GSTO2: variants seen among roughly 807,000 people sequenced by gnomAD.
GSTO2 encodes the protein glutathione S-transferase omega 2.
A neutral mutation model predicts 28.4 loss-of-function variants in GSTO2; 23 were observed. That is an observed-to-expected ratio of 0.81 (90% CI 0.58 to 1.15). The LOEUF (loss-of-function observed/expected upper bound fraction) is 1.15. Among genes scored for constraint, GSTO2 ranks in the 50% most tolerant of loss-of-function variants. The pLI, the probability that GSTO2 is intolerant of heterozygous loss-of-function variation, is 0.00. For synonymous variants in GSTO2, 109 were observed against 111.0 expected (o/e 0.98, Z 0.11); for missense variants, 298 against 297.8 (o/e 1.00, Z 0.00).
chr10:104,288,893 G>A (rs1009371992), intron 5 of GSTO2, among the ~76,000 whole-genome samples: 4 of 152,030 alleles, frequency 2.6e-5, no homozygotes, highest in Non-Finnish European at 4.4e-5. Flanking sequence ...TGAAAGTATT[G>A]TGCTATAAGG....
Position 104,274,819 on chromosome 10 carries a change from C to A in GSTO2, c.-97C>A. 1 of 1,449,124 alleles carries A rather than the reference C, an allele frequency of 6.9e-7. No homozygotes were observed. Among genetic ancestry groups the A allele is most frequent in the Non-Finnish European group, 9.5e-7 (1 of 1,053,394 alleles). 89.8% of individuals were successfully genotyped at this position (1,449,124 alleles called of 1,614,324 possible). On this transcript the variant is annotated 5_prime_UTR_variant, in exon 2 of 7. Transcript: ENST00000338595. ...AATTAAATTTGGGGCAAGGGGTGCG[C>A]GCCAGAGCGCAGCTGTTTCTGGAGC...
At chr10:104,280,317 A>C (rs939282515) in intron 5 of GSTO2, among the ~76,000 whole-genome samples, 4 of 152,144 alleles carry the variant, frequency 2.6e-5, no homozygotes, top group African/African-American at 9.7e-5. Flanking sequence ...TCATCCTCAA[A>C]ATAACAAGAT....
At chr10:104,273,677 C>T (rs1175360479) in intron 1 of GSTO2, among the ~76,000 whole-genome samples, 1 of 152,228 alleles carries the variant, frequency 6.6e-6, no homozygotes, top group Non-Finnish European at 1.5e-5. Context: ...AAATCCTTTC[C>T]TCCTAACACT....
rs763491953 is a variant in GSTO2 at position 104,299,305 on chromosome 10, G to A, written c.*21G>A. 2.1e-5 allele frequency: 34 copies of A among 1,613,046 alleles called. No individual in the cohort carries two copies. The highest frequency in any genetic ancestry group is 1.1e-4 in the African/African-American group (8 of 74,812). On this transcript the variant is annotated 3_prime_UTR_variant, in exon 7 of 7. Transcript: ENST00000338595. ...GCTGAGTCTCACTGTCCACCCCTTC[G>A]CTGTCCAGAATTCCCCAGCTTGTTG...
intron 5 of GSTO2, among the ~76,000 whole-genome samples, chr10:104,280,609 C>T (rs1206738846): frequency 6.6e-6 from 1 of 152,228 alleles, no homozygotes; most frequent in African/African-American, 2.4e-5. Context: ...CAGGAATACT[C>T]TTTGCCAGTA....
Position 104,285,770 on chromosome 10 carries a change from C to T in GSTO2, c.468+6299C>T, listed in dbSNP as rs2012387405. On this transcript the variant is annotated intron_variant, in intron 5 of 6. Coordinates refer to ENST00000338595, the MANE Select transcript of GSTO2 (RefSeq NM_183239.2). ...GGCATGAGCCACTGCACCTGGTAAT[C>T]TTAATTTTTAAACTGTTCTTTCTTC... Among the ~76,000 whole-genome samples the T allele has an allele frequency of 2.6e-5, 4 of 152,100 alleles. No individual in the cohort carries two copies. The South Asian group carries it at 8.3e-4, about 31-fold the overall frequency.
chr10:104,270,277 C>T (rs988635091), intron 1 of GSTO2, among the ~76,000 whole-genome samples: 4 of 151,836 alleles, frequency 2.6e-5, no homozygotes, highest in South Asian at 2.1e-4. Context: ...CCTCCCAAAT[C>T]GCTGGGATTA....
At chr10:104,275,385 G>A in intron 3 of GSTO2, 51 bp downstream of exon 3, 1 of 1,560,456 alleles carries the variant, frequency 6.4e-7, no homozygotes, top group Non-Finnish European at 8.8e-7. Context: ...CCTCACAGGA[G>A]CCCGGGAATG....
chr10:104,276,318 T>C (rs1564843533), intron 3 of GSTO2, among the ~76,000 whole-genome samples: 2 of 152,206 alleles, frequency 1.3e-5, no homozygotes, highest in African/African-American at 4.8e-5. Context: ...TTGAGGAAAA[T>C]AACAACAACT....
intron 4 of GSTO2, among the ~76,000 whole-genome samples, chr10:104,278,645 TAA>T (rs1282457610): frequency 6.6e-6 from 1 of 152,116 alleles, no homozygotes; most frequent in Non-Finnish European, 1.5e-5. Context: ...CCACACCCCC[TAA>T]TTGTTGTATT....
chr10:104,281,956 T>A (rs1418102247), intron 5 of GSTO2, among the ~76,000 whole-genome samples: 4 of 151,284 alleles, frequency 2.6e-5, no homozygotes, highest in African/African-American at 9.7e-5. Flanking sequence ...CAGTGAGGGG[T>A]TGACAGCGAG....
chr10:104,285,528 C>T (rs1021551988), intron 5 of GSTO2, among the ~76,000 whole-genome samples: 6 of 152,152 alleles, frequency 3.9e-5, no homozygotes, highest in African/African-American at 1.4e-4. Flanking sequence ...CGGCTCACTG[C>T]AGCCTCAGCC....
chr10:104,271,703 C>T (rs1208798856), intron 1 of GSTO2, among the ~76,000 whole-genome samples: 1 of 152,224 alleles, frequency 6.6e-6, no homozygotes, highest in Non-Finnish European at 1.5e-5. Context: ...ACTTGATTTC[C>T]CACATACAGA....
rs1160936953 is a variant in GSTO2, at chr10:104,303,450, G to T, written c.*4166G>T. ...TGAACTTGAGAGTGATGATTTTAGGGTATCTGGCAGAAAAAATTTCTAAGC... is the reference window on the plus strand; with the variant it reads ...TGAACTTGAGAGTGATGATTTTAGGTTATCTGGCAGAAAAAATTTCTAAGC... On this transcript the variant is annotated 3_prime_UTR_variant, in exon 7 of 7. Transcript: ENST00000338595. 1.3e-5 allele frequency: 2 copies of T among 152,152 alleles called. No individual in the cohort carries two copies. Among genetic ancestry groups the T allele is most frequent in the African/African-American group, 2.4e-5 (1 of 41,448 alleles). 9.4% of individuals were successfully genotyped at this position (152,152 alleles called of 1,614,324 possible).
chr10:104,287,699 C>T (rs1243293479), intron 5 of GSTO2, among the ~76,000 whole-genome samples: 1 of 151,934 alleles, frequency 6.6e-6, no homozygotes, highest in East Asian at 1.9e-4. Flanking sequence ...AACACATCCA[C>T]CTCCTAGTAA....
In GSTO2 at chr10:104,299,427, A is replaced by G; in HGVS notation, c.*143A>G. On this transcript the variant is annotated 3_prime_UTR_variant, in exon 7 of 7. Coordinates refer to ENST00000338595, the MANE Select transcript of GSTO2 (RefSeq NM_183239.2). ...TGAAAACAGGAAATGTATTCTTCTGATAATCATTTGTCTGACTCCTCTAGC... is the reference window on the plus strand; with the variant it reads ...TGAAAACAGGAAATGTATTCTTCTGGTAATCATTTGTCTGACTCCTCTAGC... The G allele has an allele frequency of 1.0e-6, 1 of 967,512 alleles. No individual in the cohort carries two copies. The highest frequency in any genetic ancestry group is 1.5e-5 in the South Asian group (1 of 65,516). 59.9% of individuals were successfully genotyped at this position (967,512 alleles called of 1,614,324 possible).
chr10:104,292,647 G>T (rs1433718608), intron 5 of GSTO2, among the ~76,000 whole-genome samples: 1 of 151,832 alleles, frequency 6.6e-6, no homozygotes, highest in Admixed American at 6.6e-5. Context: ...GTAGAGACAG[G>T]GTTTTGCTAT....
chr10:104,303,749 G>T lies in GSTO2; in HGVS notation c.*4465G>T, dbSNP rs981839404. On this transcript the variant is annotated 3_prime_UTR_variant, in exon 7 of 7. Transcript: ENST00000338595. ...CCTTGAAGGCATTTCAGAGACCTTT[G>T]TGGCAGCCCCTCCCATCACAGACTC... The T allele has an allele frequency of 1.3e-5, 2 of 152,258 alleles. No individual in the cohort carries two copies. The highest frequency in any genetic ancestry group is 4.8e-5 in the African/African-American group (2 of 41,464). 9.4% of individuals were successfully genotyped at this position (152,258 alleles called of 1,614,324 possible). A position where few individuals can be genotyped will look rare whatever the true frequency, so the allele number is the denominator to read the frequency against.
intron 5 of GSTO2, among the ~76,000 whole-genome samples, chr10:104,290,045 T>C (rs2012682108): frequency 6.6e-6 from 1 of 152,096 alleles, no homozygotes; most frequent in African/African-American, 2.4e-5. Flanking sequence ...ACACTAAAAA[T>C]TGAGCTACCA....
Sources: allele counts gnomAD v4.1 joint callset (sites outside exome capture counted in the v4.1 genomes callset), GRCh38; gene constraint gnomAD v4.1.1; transcripts MANE v1.5; gene names NCBI Gene and HGNC (gene_info 2026-07-23, HGNC 2026-07-21).